Variants in KY observed in about 807,000 individuals in gnomAD.
KY encodes kyphoscoliosis peptidase.
A neutral mutation model predicts 76.1 loss-of-function variants in KY; 43 were observed. That is an observed-to-expected ratio of 0.57 (90% CI 0.44 to 0.73). The LOEUF is 0.73. KY is among the 30% of genes least tolerant of loss of function. The pLI is 0.00. For missense variants in KY, 722 were observed against 828.9 expected (o/e 0.87, Z 1.58); for synonymous variants, 277 against 326.2 (o/e 0.85, Z 1.63).
intron 7 of KY, chr3:134,619,972 C>T (rs1297431530): frequency 6.6e-6 from 1 of 152,264 alleles, no homozygotes; most frequent in Non-Finnish European, 1.5e-5. Context: ...AGCTCATTCT[C>T]TAAGCTGCAT....
intron 2 of KY, among the ~76,000 whole-genome samples, chr3:134,644,651 G>A (rs370827712): frequency 2.6e-5 from 4 of 152,310 alleles, no homozygotes; most frequent in South Asian, 4.1e-4. Context: ...TATGCCTCTG[G>A]GGCATTGGCC....
chr3:134,600,339 C>T lies in KY; in HGVS notation c.*3240G>A, dbSNP rs1021148257. Among the ~76,000 whole-genome samples, 2 of 152,232 alleles carry T rather than the reference C, an allele frequency of 1.3e-5. No individual in the cohort carries two copies. Among genetic ancestry groups the T allele is most frequent in the African/African-American group, 4.8e-5 (2 of 41,464 alleles). ...AGGATTTCACAAACTTTCTTGGCAA[C>T]TTGTCCCTCCTGCTTAACAACAGGA... On this transcript the variant is annotated 3_prime_UTR_variant, in exon 11 of 11. Transcript: ENST00000423778.
At chr3:134,619,074 A>C (rs564799884) in intron 8 of KY, 74 bp downstream of exon 8, 1 of 1,264,252 alleles carries the variant, frequency 7.9e-7, no homozygotes, top group East Asian at 2.3e-5. Context: ...GCATGTGGGC[A>C]AAGGCACATG....
chr3:134,604,347 A>G lies in KY; in HGVS notation c.1218T>C (p.Pro406=), dbSNP rs772938260. ...GCAGCTTGTGAGTGCCCATGGTTGG[A>G]GGGTACACCTCCAACTTCATCCCAT... ...RKNGMKLEVY[P]PTMGTHKLQI... The change falls in exon 11 of 11, where the codon CCT becomes CCC. Residue 406 remains proline (P), a synonymous_variant. Transcript: ENST00000423778. 8 of 1,613,844 alleles carry G rather than the reference A, an allele frequency of 5.0e-6. No individual in the cohort carries two copies. The South Asian group carries it at 8.8e-5, about 18-fold the overall frequency.
intron 10 of KY, chr3:134,607,686 C>T: frequency 1.0e-6 from 1 of 985,748 alleles, no homozygotes; most frequent in Non-Finnish European, 1.2e-6. Context: ...TCCAGGGCAG[C>T]CCCCGTATGC....
intron 3 of KY, among the ~76,000 whole-genome samples, chr3:134,637,755 C>T (rs1175052469): frequency 1.3e-5 from 2 of 152,208 alleles, no homozygotes; most frequent in Admixed American, 6.5e-5. Flanking sequence ...TGCCATCCTG[C>T]GTTACATGCC....
intron 8 of KY, among the ~76,000 whole-genome samples, chr3:134,617,860 G>A (rs565581412): frequency 7.9e-5 from 12 of 152,200 alleles, no homozygotes; most frequent in Non-Finnish European, 1.6e-4. Flanking sequence ...CTTGGCTGAG[G>A]TCAGATTTTG....
At position 134,628,129 on chromosome 3, in the gene KY, G is replaced by A. The variant is rs931991345; in HGVS notation, c.338-311C>T. 7 of 376,486 alleles carry A rather than the reference G, an allele frequency of 1.9e-5. No homozygotes were observed. In the South Asian group the frequency reaches 2.4e-4, roughly 13 times the overall value. The allele number at this position is 376,486 out of a possible 1,614,324, so 23.3% of individuals were successfully genotyped here. ...TCATTGGGTCCTCCTGGAACCTGGT[G>A]TTCCTGCCCTCTTTTGGAGTTTCCT... On this transcript the variant is annotated intron_variant, in intron 4 of 10. Transcript: ENST00000423778.
intron 1 of KY, among the ~76,000 whole-genome samples, chr3:134,649,832 G>A (rs1236040457): frequency 6.6e-6 from 1 of 152,250 alleles, no homozygotes. Flanking sequence ...TGAGCACAGA[G>A]GCTCTGGGGA....
chr3:134,646,805 C>T (rs961592723), intron 2 of KY, among the ~76,000 whole-genome samples: 3 of 152,118 alleles, frequency 2.0e-5, no homozygotes, highest in South Asian at 2.1e-4. Flanking sequence ...AGAACCTTCA[C>T]GTGCCCACTG....
chr3:134,642,639 A>C (rs1428315244), intron 3 of KY, among the ~76,000 whole-genome samples: 2 of 152,200 alleles, frequency 1.3e-5, no homozygotes, highest in African/African-American at 4.8e-5. Flanking sequence ...TGCTGTGGCA[A>C]ACTCACTGGG....
intron 1 of KY, 116 bp downstream of exon 1, chr3:134,650,709 G>T: frequency 1.0e-6 from 1 of 969,860 alleles, no homozygotes; most frequent in Non-Finnish European, 1.5e-6. Context: ...GGGGGAGAGG[G>T]TCGGGTTCGC....
intron 7 of KY, among the ~76,000 whole-genome samples, chr3:134,620,171 C>T (rs991211847): frequency 2.6e-5 from 4 of 152,114 alleles, no homozygotes; most frequent in East Asian, 1.9e-4. Flanking sequence ...CTGCTTGACC[C>T]GGGAGCTTCC....
intron 1 of KY, among the ~76,000 whole-genome samples, chr3:134,650,278 G>A (rs1403269404): frequency 1.3e-5 from 2 of 152,214 alleles, no homozygotes; most frequent in East Asian, 1.9e-4. Flanking sequence ...CCAAACCTGC[G>A]TTCCTTTTAC....
rs765025028 is a variant in KY, at chr3:134,650,931, T to TA, written c.29dup (p.Ser11IlefsTer54). 3.7e-6 allele frequency: 6 copies of TA among 1,613,314 alleles called. No individual in the cohort carries two copies. The highest frequency in any genetic ancestry group is 1.1e-5 in the South Asian group (1 of 91,086). ...GCACGATCAGCAGCATGTCGATAGA[T>TA]ACAGCGTTGATGTCCTTCTTCAGCT... On this transcript the variant is annotated frameshift_variant, in exon 1 of 11. Transcript: ENST00000423778. LOFTEE classifies it high-confidence loss of function.
chr3:134,640,621 A>T (rs1010259021), intron 3 of KY, among the ~76,000 whole-genome samples: 1 of 152,202 alleles, frequency 6.6e-6, no homozygotes, highest in Admixed American at 6.5e-5. Context: ...TGAATAAGAA[A>T]GTGGCACATG....
At chr3:134,626,699 C>A (rs1963498523) in intron 5 of KY, among the ~76,000 whole-genome samples, 1 of 152,328 alleles carries the variant, frequency 6.6e-6, no homozygotes, top group South Asian at 2.1e-4. Flanking sequence ...TCATGACCCT[C>A]TTCTGGGCCA....
intron 3 of KY, among the ~76,000 whole-genome samples, chr3:134,631,208 C>T (rs1211931982): frequency 6.6e-6 from 1 of 152,122 alleles, no homozygotes; most frequent in African/African-American, 2.4e-5. Flanking sequence ...TGGCAAAAGA[C>T]ATAAAACCTT....
At chr3:134,624,402 TG>T (rs1315664299) in intron 6 of KY, among the ~76,000 whole-genome samples, 7 of 152,228 alleles carry the variant, frequency 4.6e-5, no homozygotes, top group Admixed American at 2.0e-4. Context: ...ACAAGGTTCC[TG>T]AGTACCTATA....
Sources: gnomAD v4.1 joint callset for allele counts (sites outside exome capture counted in the v4.1 genomes callset) on GRCh38, gnomAD v4.1.1 for gene constraint, MANE v1.5 for transcripts, NCBI Gene and HGNC (gene_info 2026-07-23, HGNC 2026-07-21) for gene names.